The following CNTNAP2 variants were observed in gnomAD, a reference collection of about 807,000 sequenced individuals.
CNTNAP2 encodes the protein contactin associated protein 2.
CNTNAP2 carries 98 observed loss-of-function variants against 155.2 expected under a neutral mutation model. The ratio of observed to expected loss-of-function variants is 0.63; its 90% CI spans 0.54 to 0.75. The LOEUF (loss-of-function observed/expected upper bound fraction) is 0.75. Among genes scored for constraint, CNTNAP2 ranks in the 30% least tolerant of loss-of-function variants. The pLI is 0.00. For missense variants in CNTNAP2, 1,727 were observed against 1,688.1 expected (o/e 1.02, Z -0.40); for synonymous variants, 651 against 631.2 (o/e 1.03, Z -0.47).
chr7:147,480,734 T>C (rs1798407025), intron 10 of CNTNAP2, among the ~76,000 whole-genome samples: 1 of 152,148 alleles, frequency 6.6e-6, no homozygotes. Flanking sequence ...CCTGGGCTGT[T>C]TCTCCTCCTA....
chr7:148,259,509 G>A (rs1017238569), intron 20 of CNTNAP2, among the ~76,000 whole-genome samples: 4 of 152,144 alleles, frequency 2.6e-5, no homozygotes, highest in East Asian at 3.9e-4. Flanking sequence ...TAAAATTAAC[G>A]ATTAGGAAAA....
chr7:147,208,882 G>A (rs1803077670), intron 8 of CNTNAP2, among the ~76,000 whole-genome samples: 1 of 151,868 alleles, frequency 6.6e-6, no homozygotes, highest in Admixed American at 6.6e-5. Flanking sequence ...ACTTTAATCT[G>A]TGAAACCCAT....
In CNTNAP2 at chr7:148,388,463, AG is replaced by A. The variant is rs1252555490; in HGVS notation, c.3715+4577del. Among the ~76,000 whole-genome samples, 9 of 152,148 alleles carry A rather than the reference AG, an allele frequency of 5.9e-5. No individual in the cohort carries two copies. The East Asian group carries it at 1.7e-3, about 30-fold the overall frequency. On this transcript the variant is annotated intron_variant, in intron 22 of 23. Transcript: ENST00000361727. Reference sequence around the variant, plus strand: ...TCCAATTTCATCCATGTCCCTAGAAAGGACATGAACTCATCATTTTTTATGG... The same window carrying A: ...TCCAATTTCATCCATGTCCCTAGAAAGACATGAACTCATCATTTTTTATGG...
intron 13 of CNTNAP2, among the ~76,000 whole-genome samples, chr7:147,901,798 C>A (rs1034691659): frequency 2.6e-5 from 4 of 152,098 alleles, no homozygotes; most frequent in African/African-American, 9.7e-5. Flanking sequence ...TTCTTCCATT[C>A]TGTTGAGTTG....
chr7:146,971,267 GA>G (rs1455589630), intron 3 of CNTNAP2, among the ~76,000 whole-genome samples: 3 of 151,876 alleles, frequency 2.0e-5, no homozygotes, highest in African/African-American at 7.3e-5. Context: ...TGTACAAAGA[GA>G]GAACTCTTAA....
intron 11 of CNTNAP2, among the ~76,000 whole-genome samples, chr7:147,490,848 C>A (rs574402909): frequency 1.3e-5 from 2 of 152,060 alleles, no homozygotes; most frequent in Non-Finnish European, 1.5e-5. Flanking sequence ...TGGTGGAAGG[C>A]GAAGGGGAAG....
chr7:147,070,438 G>T (rs988141188), intron 4 of CNTNAP2, among the ~76,000 whole-genome samples: 1 of 152,138 alleles, frequency 6.6e-6, no homozygotes, highest in Admixed American at 6.5e-5. Context: ...AAGTGTCATC[G>T]TATTAACCAC....
intron 13 of CNTNAP2, among the ~76,000 whole-genome samples, chr7:147,724,499 C>G (rs1447841446): frequency 6.6e-6 from 1 of 152,000 alleles, no homozygotes; most frequent in Non-Finnish European, 1.5e-5. Context: ...GAAAACCAAT[C>G]CAAACAGCCT....
chr7:147,862,735 G>A (rs1799157813), intron 13 of CNTNAP2, among the ~76,000 whole-genome samples: 1 of 152,042 alleles, frequency 6.6e-6, no homozygotes, highest in Non-Finnish European at 1.5e-5. Flanking sequence ...ATAAAAGGAA[G>A]TGAACTTTAA....
intron 1 of CNTNAP2, among the ~76,000 whole-genome samples, chr7:146,540,439 C>T (rs1394736087): frequency 6.6e-6 from 1 of 151,984 alleles, no homozygotes; most frequent in Non-Finnish European, 1.5e-5. Context: ...ACTGGAATTA[C>T]ATTATAATCC....
intron 9 of CNTNAP2, among the ~76,000 whole-genome samples, chr7:147,331,764 C>T (rs934310272): frequency 2.0e-5 from 3 of 152,148 alleles, no homozygotes; most frequent in African/African-American, 7.2e-5. Flanking sequence ...GAAGTGTTCT[C>T]CTTTTGGCCA....
At chr7:147,371,944 C>T (rs1268110329) in intron 9 of CNTNAP2, among the ~76,000 whole-genome samples, 1 of 152,044 alleles carries the variant, frequency 6.6e-6, no homozygotes, top group Non-Finnish European at 1.5e-5. Context: ...GTGATGTAAA[C>T]ACTGTCCCTA....
intron 10 of CNTNAP2, among the ~76,000 whole-genome samples, chr7:147,451,481 C>G (rs903670100): frequency 2.6e-5 from 4 of 152,094 alleles, no homozygotes; most frequent in African/African-American, 9.7e-5. Context: ...TTCTTTAATT[C>G]AAACTCCCTC....
rs1399424294 is a variant in CNTNAP2 at position 147,521,072 on chromosome 7, T to A, written c.1777+35031T>A. Among the ~76,000 whole-genome samples, 3 of 152,324 alleles carry A rather than the reference T, an allele frequency of 2.0e-5. No homozygotes were observed. The East Asian group carries it at 5.8e-4, about 29-fold the overall frequency. ...CTGATCTCTGCCACACCTTCCAGAT[T>A]AAGTCAAAAATGCCTATCTTGGTAT... On this transcript the variant is annotated intron_variant, in intron 11 of 23. Transcript: ENST00000361727.
intron 2 of CNTNAP2, among the ~76,000 whole-genome samples, chr7:146,801,167 G>A (rs1297423897): frequency 1.3e-5 from 2 of 152,140 alleles, no homozygotes; most frequent in East Asian, 3.9e-4. Flanking sequence ...ATCACATGAT[G>A]ACAGAAGGAG....
chr7:146,663,445 T>C (rs984689746), intron 1 of CNTNAP2, among the ~76,000 whole-genome samples: 1 of 151,908 alleles, frequency 6.6e-6, no homozygotes, highest in Non-Finnish European at 1.5e-5. Flanking sequence ...ATATTTGAGA[T>C]TGCATTGAAT....
chr7:147,515,852 G>T (rs553895603), intron 11 of CNTNAP2, among the ~76,000 whole-genome samples: 1 of 152,302 alleles, frequency 6.6e-6, no homozygotes, highest in Non-Finnish European at 1.5e-5. Flanking sequence ...CTAGTCTGAA[G>T]AGAAGGGGCT....
chr7:147,119,187 T>G (rs1801050891), intron 5 of CNTNAP2, among the ~76,000 whole-genome samples: 1 of 152,192 alleles, frequency 6.6e-6, no homozygotes, highest in Non-Finnish European at 1.5e-5. Flanking sequence ...AAGATGTTTA[T>G]TTTTTCAAAC....
At chr7:147,927,498 G>A (rs577184051) in intron 14 of CNTNAP2, among the ~76,000 whole-genome samples, 4 of 152,236 alleles carry the variant, frequency 2.6e-5, no homozygotes, top group African/African-American at 4.8e-5. Flanking sequence ...GATGTACTCC[G>A]TAAATATATA....
Sources: allele counts gnomAD v4.1 joint callset (sites outside exome capture counted in the v4.1 genomes callset), GRCh38; gene constraint gnomAD v4.1.1; transcripts MANE v1.5; gene names NCBI Gene and HGNC (gene_info 2026-07-23, HGNC 2026-07-21).